GATAD2A: variants seen among roughly 807,000 people sequenced by gnomAD.
The protein encoded by GATAD2A is GATA zinc finger domain containing 2A, also known as transcriptional repressor p66-alpha.
In GATAD2A, 12 loss-of-function variants were observed where a neutral mutation model predicts 68.5. That is an observed-to-expected ratio of 0.18 (90% confidence interval 0.11 to 0.28). The LOEUF is 0.28. GATAD2A is among the 10% of genes least tolerant of loss of function. The pLI, the probability that GATAD2A is intolerant of heterozygous loss-of-function variation, is 1.00. For synonymous variants in GATAD2A, 410 were observed against 375.3 expected (o/e 1.09, Z -1.07); for missense variants, 755 against 868.5 (o/e 0.87, Z 1.64).
intron 1 of GATAD2A, among the ~76,000 whole-genome samples, chr19:19,417,847 A>C (rs1358212784): frequency 2.0e-5 from 3 of 152,188 alleles, no homozygotes; most frequent in African/African-American, 7.2e-5. Context: ...CCAAGGGCTG[A>C]GGACAGTTCA....
At chr19:19,475,164 G>A (rs1426138135) in intron 2 of GATAD2A, among the ~76,000 whole-genome samples, 2 of 152,192 alleles carry the variant, frequency 1.3e-5, no homozygotes, top group Non-Finnish European at 2.9e-5. Flanking sequence ...CTCCCGGCCC[G>A]CCGGCCGGCT....
intron 2 of GATAD2A, among the ~76,000 whole-genome samples, chr19:19,467,152 G>T (rs898274865): frequency 7.2e-5 from 11 of 152,316 alleles, no homozygotes; most frequent in Admixed American, 6.5e-5. Context: ...GAGGCGGGTG[G>T]ATCACAAGGT....
chr19:19,503,782 G>A (rs905723029), intron 11 of GATAD2A, among the ~76,000 whole-genome samples: 24 of 152,248 alleles, frequency 1.6e-4, no homozygotes, highest in Admixed American at 1.5e-3. Context: ...GTTACCACGG[G>A]GGTTTTGAGA....
chr19:19,478,671 G>A (rs906013415), intron 2 of GATAD2A, among the ~76,000 whole-genome samples: 1 of 151,912 alleles, frequency 6.6e-6, no homozygotes, highest in Non-Finnish European at 1.5e-5. Context: ...AAATTGCAGA[G>A]TGGTGGCGCA....
At chr19:19,415,965 T>C (rs1241452904) in intron 1 of GATAD2A, among the ~76,000 whole-genome samples, 2 of 151,338 alleles carry the variant, frequency 1.3e-5, no homozygotes, top group East Asian at 1.9e-4. Context: ...ATGGTTTTTT[T>C]TCCCCCCCAA....
Position 19,500,286 on chromosome 19 carries a change from G to A in GATAD2A, c.1205-832G>A, listed in dbSNP as rs537352267. 1.0e-3 allele frequency among the ~76,000 whole-genome samples: 152 copies of A among 152,330 alleles called. 1 individual carries two copies. The highest frequency in any genetic ancestry group is 6.0e-3 in the South Asian group (29 of 4,832). Reference sequence around the variant, plus strand: ...CCGTTGTCACCAGAGCATGTAAGCTGCAGGTGGCGGTCTCATGGGTCAGGG... The same window carrying A: ...CCGTTGTCACCAGAGCATGTAAGCTACAGGTGGCGGTCTCATGGGTCAGGG... On this transcript the variant is annotated intron_variant, in intron 8 of 11. Transcript: ENST00000683918.
intron 1 of GATAD2A, among the ~76,000 whole-genome samples, chr19:19,449,267 A>G (rs1237729220): frequency 1.3e-5 from 2 of 152,196 alleles, no homozygotes; most frequent in Non-Finnish European, 2.9e-5. Flanking sequence ...CTTATGCCCA[A>G]AACAGCTTTG....
At chr19:19,477,822 G>A (rs1261913494) in intron 2 of GATAD2A, among the ~76,000 whole-genome samples, 1 of 152,102 alleles carries the variant, frequency 6.6e-6, no homozygotes, top group Non-Finnish European at 1.5e-5. Context: ...AGCAGTCTAG[G>A]GGCAGTGGGG....
intron 1 of GATAD2A, among the ~76,000 whole-genome samples, chr19:19,419,073 T>C (rs2052008001): frequency 6.6e-6 from 1 of 152,098 alleles, no homozygotes; most frequent in South Asian, 2.1e-4. Context: ...TTGAATTCAG[T>C]GGCCAGGGAA....
Position 19,496,110 on chromosome 19 carries a change from C to T in GATAD2A, c.815C>T (p.Pro272Leu), listed in dbSNP as rs1260870038. ...STGPPPLLLA[P>L]RASVPSVQIQ... ...GGGCCACCGCCCCTCCTCCTGGCCC[C>T]CCGGGCGTCGGTGCCCAGTGTGCAG... Residue 272 changes from proline (P) to leucine (L), a missense_variant, in exon 7 of 12, where the codon CCC becomes CTC. Coordinates refer to ENST00000683918, the MANE Select transcript of GATAD2A (RefSeq NM_001384528.1). 6.2e-7 allele frequency: 1 copy of T among 1,613,516 alleles called. No homozygotes were observed. The highest frequency in any genetic ancestry group is 8.5e-7 in the Non-Finnish European group (1 of 1,179,808).
At chr19:19,444,699 C>T (rs997395966) in intron 1 of GATAD2A, among the ~76,000 whole-genome samples, 1 of 151,910 alleles carries the variant, frequency 6.6e-6, no homozygotes, top group East Asian at 1.9e-4. Flanking sequence ...GGCGAGACCT[C>T]GTCTCTACAA....
intron 1 of GATAD2A, among the ~76,000 whole-genome samples, chr19:19,449,466 A>G (rs924346739): frequency 6.6e-6 from 1 of 152,162 alleles, no homozygotes; most frequent in African/African-American, 2.4e-5. Flanking sequence ...CTGGAACTAC[A>G]TGCACACATG....
At chr19:19,459,041 A>G (rs2057191013) in intron 1 of GATAD2A, among the ~76,000 whole-genome samples, 1 of 152,158 alleles carries the variant, frequency 6.6e-6, no homozygotes, top group South Asian at 2.1e-4. Context: ...CCTGGGCTCA[A>G]GTGATGCTCC....
Position 19,507,310 on chromosome 19 carries a change from G to A in GATAD2A, c.*1836G>A, listed in dbSNP as rs1314523754. The A allele has an allele frequency of 4.7e-5, 7 of 150,446 alleles. No homozygotes were observed. The highest frequency in any genetic ancestry group is 1.0e-4 in the Non-Finnish European group (7 of 67,782). The allele number at this position is 150,446 out of a possible 1,614,324, so 9.3% of individuals were successfully genotyped here. A position where few individuals can be genotyped will look rare whatever the true frequency, so the allele number is the denominator to read the frequency against. On this transcript the variant is annotated 3_prime_UTR_variant, in exon 12 of 12. Coordinates refer to ENST00000683918, the MANE Select transcript of GATAD2A (RefSeq NM_001384528.1). ...ATTTCTATTCCTCGCATTTTTCTGT[G>A]TGCCTGGCAAATAAATACCTGTCTC... is the stretch of plus-strand genomic sequence containing the variant.
chr19:19,474,910 G>C (rs552973277), intron 2 of GATAD2A, among the ~76,000 whole-genome samples: 1 of 152,340 alleles, frequency 6.6e-6, no homozygotes, highest in African/African-American at 2.4e-5. Flanking sequence ...GCCTACACGT[G>C]TGGCTCTGTC....
upstream of GATAD2A, among the ~76,000 whole-genome samples, chr19:19,401,062 G>A (rs148075716): frequency 6.9e-3 from 1,015 of 147,532 alleles, 4 homozygotes; most frequent in Middle Eastern, 0.036. Context: ...ATCGCTTGAC[G>A]CCAGAAGGTG....
At chr19:19,400,026 T>C (rs1415127134) in intron 1 of GATAD2A, among the ~76,000 whole-genome samples, 4 of 152,140 alleles carry the variant, frequency 2.6e-5, no homozygotes, top group African/African-American at 9.7e-5. Context: ...TTTCTGATTT[T>C]TTTTTTTTAA....
At chr19:19,424,291 G>A (rs1341051763) in intron 1 of GATAD2A, among the ~76,000 whole-genome samples, 7 of 152,074 alleles carry the variant, frequency 4.6e-5, no homozygotes, top group African/African-American at 1.2e-4. Context: ...GTGCAGTGGC[G>A]TGATATTGGC....
chr19:19,394,066 T>C (rs2049041894), intron 1 of GATAD2A, among the ~76,000 whole-genome samples: 1 of 151,988 alleles, frequency 6.6e-6, no homozygotes, highest in African/African-American at 2.4e-5. Context: ...TTTTGTGTTT[T>C]AGTAGAGATG....
Sources: gnomAD v4.1 joint callset for allele counts (sites outside exome capture counted in the v4.1 genomes callset) on GRCh38, gnomAD v4.1.1 for gene constraint, MANE v1.5 for transcripts, NCBI Gene and HGNC (gene_info 2026-07-23, HGNC 2026-07-21) for gene names.